CRACD: variants seen among roughly 807,000 people sequenced by gnomAD.
The protein encoded by CRACD is capping protein-inhibiting regulator of actin dynamics.
A neutral mutation model predicts 106.8 loss-of-function variants in CRACD; 56 were observed. That is an observed-to-expected ratio of 0.52 (90% CI 0.42 to 0.66). CRACD has a LOEUF of 0.66. Ranked by LOEUF, CRACD falls within the 30% of genes least tolerant of loss-of-function variation. The pLI, the probability that CRACD is intolerant of heterozygous loss-of-function variation, is 0.00. For missense variants in CRACD, 1,730 were observed against 1,623.2 expected (o/e 1.07, Z -1.13); for synonymous variants, 754 against 670.8 (o/e 1.12, Z -1.92).
intron 2 of CRACD, among the ~76,000 whole-genome samples, chr4:56,227,300 T>C (rs931733292): frequency 6.6e-6 from 1 of 152,170 alleles, no homozygotes; most frequent in African/African-American, 2.4e-5. Context: ...ATGAACATTA[T>C]GGAATAATCA....
chr4:56,217,084 G>A (rs1738742476), intron 2 of CRACD, among the ~76,000 whole-genome samples: 1 of 152,002 alleles, frequency 6.6e-6, no homozygotes, highest in Admixed American at 6.6e-5. Flanking sequence ...ATTCAGAGGG[G>A]TCCCTCTGTA....
intron 2 of CRACD, among the ~76,000 whole-genome samples, chr4:56,181,333 G>A (rs1736811485): frequency 6.6e-6 from 1 of 152,190 alleles, no homozygotes; most frequent in Admixed American, 6.5e-5. Context: ...CAGCTGGGGT[G>A]TTCCAGCCAC....
rs1277556000 is a variant in CRACD, at chr4:56,301,168, TG to T, written c.120+2821del. The T allele has an allele frequency of 5.3e-6, 6 of 1,123,824 alleles. No homozygotes were observed. In the Admixed American group the frequency reaches 7.9e-5, roughly 15 times the overall value. 69.6% of individuals were successfully genotyped at this position (1,123,824 alleles called of 1,614,324 possible). On this transcript the variant is annotated intron_variant, in intron 4 of 10. Transcript: ENST00000682029. Reference sequence around the variant, plus strand: ...ATCATAGAAAATGTGATTTTTTTTTTGGCGTGACTTGAGATATAACTGAATC... The same window carrying T: ...ATCATAGAAAATGTGATTTTTTTTTTGCGTGACTTGAGATATAACTGAATC...
At chr4:56,319,784 G>A (rs1446459798) in intron 8 of CRACD, among the ~76,000 whole-genome samples, 1 of 152,176 alleles carries the variant, frequency 6.6e-6, no homozygotes, top group Non-Finnish European at 1.5e-5. Context: ...CAAGGCTGGG[G>A]CCAGTGAGGA....
Position 56,125,767 on chromosome 4 carries a change from T to C in CRACD, c.-335-53517T>C, listed in dbSNP as rs112215365. ...ATCTATTACTGTCATTCTTCTTCTTTTTTTTTTTTTTTTTTTTTTTTGAGA... is the reference window on the plus strand; with the variant it reads ...ATCTATTACTGTCATTCTTCTTCTTCTTTTTTTTTTTTTTTTTTTTTGAGA... On this transcript the variant is annotated intron_variant, in intron 1 of 10. Coordinates refer to ENST00000682029, the MANE Select transcript of CRACD (RefSeq NM_001393381.1). 3.0e-3 allele frequency among the ~76,000 whole-genome samples: 349 copies of C among 115,496 alleles called. 2 individuals are homozygous for C. The highest frequency in any genetic ancestry group is 0.016 in the Admixed American group (191 of 11,576). The allele number at this position is 115,496 out of a possible 152,430, so 75.8% of individuals were successfully genotyped here.
At chr4:56,267,185 A>C (rs907378720) in intron 2 of CRACD, among the ~76,000 whole-genome samples, 3 of 151,184 alleles carry the variant, frequency 2.0e-5, no homozygotes, top group African/African-American at 7.3e-5. Flanking sequence ...CAGTGGTGCG[A>C]TCTCGGCTCA....
Position 56,200,624 on chromosome 4 carries a change from C to T in CRACD, c.-189+21194C>T, listed in dbSNP as rs143846910. Among the ~76,000 whole-genome samples, 19 of 152,284 alleles carry T rather than the reference C, an allele frequency of 1.2e-4. No homozygotes were observed. The East Asian group carries it at 3.1e-3, about 25-fold the overall frequency. Reference sequence around the variant, plus strand: ...CCTGCTATAGCTTTTATATATTCTACTACCTTCCAGAATTTTTAATATAAA... The same window carrying T: ...CCTGCTATAGCTTTTATATATTCTATTACCTTCCAGAATTTTTAATATAAA... On this transcript the variant is annotated intron_variant, in intron 2 of 10. Coordinates refer to ENST00000682029, the MANE Select transcript of CRACD (RefSeq NM_001393381.1).
chr4:56,165,314 C>T (rs1463832049), intron 1 of CRACD, among the ~76,000 whole-genome samples: 1 of 152,210 alleles, frequency 6.6e-6, no homozygotes, highest in Non-Finnish European at 1.5e-5. Flanking sequence ...GAAATCCCTG[C>T]TCCTCTGGAG....
chr4:56,315,849 G>T lies in CRACD; in HGVS notation c.2347G>T (p.Ala783Ser), dbSNP rs1560538176. The change falls in exon 8 of 11, where the codon GCA (alanine) becomes TCA (serine). Residue 783 changes from alanine to serine, a missense_variant. Physicochemically the swap from Ala to Ser is moderately conservative, Grantham distance 99. Around this residue, in one of 5 missense-constraint regions of CRACD, gnomAD observed 1,620 missense variants for 1,481.6 expected, o/e 1.09. Coordinates refer to ENST00000682029, the MANE Select transcript of CRACD (RefSeq NM_001393381.1). The surrounding 1 kb of genome is among the most constrained non-coding windows in gnomAD (Gnocchi z 4.1). ...GAAGTCGGAGATGCACCGGGAGCCC[G>T]CAGACACCACCGAGGGATGCAAATT... ...PEKSEMHREPADTTEGCKFAK... is the reference protein window; with the variant it reads ...PEKSEMHREPSDTTEGCKFAK... 20 of 1,614,040 alleles carry T rather than the reference G, an allele frequency of 1.2e-5. No individual in the cohort carries two copies. The highest frequency in any genetic ancestry group is 3.3e-5 in the Admixed American group (2 of 60,012).
At chr4:56,094,113 T>G (rs1733515769) in intron 1 of CRACD, among the ~76,000 whole-genome samples, 1 of 152,254 alleles carries the variant, frequency 6.6e-6, no homozygotes, top group Admixed American at 6.5e-5. Flanking sequence ...AATGTTTTAC[T>G]GTTTTATTAA....
intron 1 of CRACD, among the ~76,000 whole-genome samples, chr4:56,165,496 C>G (rs1240420004): frequency 6.6e-6 from 1 of 152,130 alleles, no homozygotes; most frequent in Non-Finnish European, 1.5e-5. Flanking sequence ...GTAACTTACC[C>G]AGGGACACAC....
chr4:56,294,913 C>CAAAAAA (rs56200534), intron 3 of CRACD, among the ~76,000 whole-genome samples: 18 of 72,150 alleles, frequency 2.5e-4, no homozygotes, highest in African/African-American at 7.2e-4. Context: ...GACCTTGTCT[C>CAAAAAA]AAAAAAAAAA....
At chr4:56,232,450 A>G (rs1434483634) in intron 2 of CRACD, among the ~76,000 whole-genome samples, 1 of 151,952 alleles carries the variant, frequency 6.6e-6, no homozygotes, top group Non-Finnish European at 1.5e-5. Flanking sequence ...AATATTCTAG[A>G]TGTCTTTCAT....
chr4:56,052,014 A>G (rs1731895167), intron 1 of CRACD, among the ~76,000 whole-genome samples: 2 of 152,196 alleles, frequency 1.3e-5, no homozygotes, highest in South Asian at 4.1e-4. Context: ...GCTAATTTTT[A>G]TTTTCATTAT....
intron 1 of CRACD, among the ~76,000 whole-genome samples, chr4:56,152,354 C>T (rs1433500379): frequency 2.0e-5 from 3 of 151,596 alleles, no homozygotes; most frequent in Admixed American, 6.6e-5. Context: ...ATATTTTTGG[C>T]CATGTGTGGT....
intron 1 of CRACD, among the ~76,000 whole-genome samples, chr4:56,132,691 G>A (rs1734865460): frequency 6.6e-6 from 1 of 152,020 alleles, no homozygotes. Flanking sequence ...AATGGTTTCT[G>A]TATAAATTGA....
At chr4:56,089,617 G>A (rs1301909100) in intron 1 of CRACD, among the ~76,000 whole-genome samples, 5 of 151,080 alleles carry the variant, frequency 3.3e-5, no homozygotes, top group East Asian at 2.0e-4. Context: ...GGGTTCAAGC[G>A]ATTCTCCTGC....
At chr4:56,231,102 A>G (rs1432652234) in intron 2 of CRACD, among the ~76,000 whole-genome samples, 13 of 152,226 alleles carry the variant, frequency 8.5e-5, no homozygotes, top group Non-Finnish European at 1.5e-5. Context: ...CTTTACCTAA[A>G]GAGAATCACT....
At chr4:56,139,335 TTCTC>T (rs1395856665) in intron 1 of CRACD, among the ~76,000 whole-genome samples, 1 of 149,478 alleles carries the variant, frequency 6.7e-6, no homozygotes, top group Non-Finnish European at 1.5e-5. Flanking sequence ...TCCTCTCTCT[TTCTC>T]TCTCTCTTTC....
Sources: allele counts gnomAD v4.1 joint callset (sites outside exome capture counted in the v4.1 genomes callset), GRCh38; gene constraint gnomAD v4.1.1; regional missense constraint gnomAD v4.1.1; non-coding constraint Gnocchi (gnomAD v3.1); transcripts MANE v1.5; gene names NCBI Gene and HGNC (gene_info 2026-07-23, HGNC 2026-07-21).